The following TACC1 variants were observed in gnomAD, a reference collection of about 807,000 sequenced individuals.
The protein encoded by TACC1 is transforming acidic coiled-coil-containing protein 1.
Under a neutral mutation model 84.4 loss-of-function variants are expected in TACC1, and 48 were observed. The observed-to-expected ratio is 0.57, with a 90% confidence interval of 0.45 to 0.72. The LOEUF (loss-of-function observed/expected upper bound fraction) is 0.72. TACC1 is among the 30% of genes least tolerant of loss of function. The pLI is 0.00. For missense variants in TACC1, 920 were observed against 973.0 expected (o/e 0.95, Z 0.72); for synonymous variants, 372 against 376.3 (o/e 0.99, Z 0.13).
At chr8:38,824,150 T>A in intron 3 of TACC1, 1 of 789,996 alleles carries the variant, frequency 1.3e-6, no homozygotes, top group South Asian at 1.4e-5. Context: ...ATGATTTTTT[T>A]GCATTTCATC....
intron 3 of TACC1, among the ~76,000 whole-genome samples, chr8:38,824,913 T>A (rs1170016472): frequency 6.6e-6 from 1 of 152,238 alleles, no homozygotes; most frequent in Non-Finnish European, 1.5e-5. Flanking sequence ...TCCAGCGTGA[T>A]GATTTTTCTA....
chr8:38,748,463 T>C (rs1029142770), intron 3 of TACC1, among the ~76,000 whole-genome samples: 2 of 152,178 alleles, frequency 1.3e-5, no homozygotes, highest in African/African-American at 4.8e-5. Flanking sequence ...TTAATATTTT[T>C]AGAACATTTC....
intron 3 of TACC1, among the ~76,000 whole-genome samples, chr8:38,755,252 T>C (rs2151767225): frequency 6.6e-6 from 1 of 151,718 alleles, no homozygotes; most frequent in South Asian, 2.1e-4. Context: ...TGTAGTCACA[T>C]ATATCTTTAT....
chr8:38,746,448 T>C (rs971002959), intron 3 of TACC1, among the ~76,000 whole-genome samples: 10 of 152,332 alleles, frequency 6.6e-5, no homozygotes, highest in African/African-American at 2.4e-4. Flanking sequence ...GGGAAGTGTT[T>C]GGTTATTATT....
intron 11 of TACC1, among the ~76,000 whole-genome samples, chr8:38,845,860 T>C (rs1019601526): frequency 7.2e-5 from 11 of 152,258 alleles, no homozygotes; most frequent in Non-Finnish European, 1.5e-4. Context: ...CACACAGGAC[T>C]GTCCTTGTTA....
intron 1 of TACC1, among the ~76,000 whole-genome samples, chr8:38,741,137 A>T (rs1806984952): frequency 6.6e-6 from 1 of 151,828 alleles, no homozygotes. Flanking sequence ...CAGGGCATTT[A>T]AAAAAATACT....
rs1350021929 is a variant in TACC1 at position 38,849,270 on chromosome 8, T to G, written c.*1247T>G. The G allele has an allele frequency of 6.6e-6, 1 of 151,994 alleles. No individual in the cohort carries two copies. Among genetic ancestry groups the G allele is most frequent in the Non-Finnish European group, 1.5e-5 (1 of 67,996 alleles). The allele number at this position is 151,994 out of a possible 1,614,324, so 9.4% of individuals were successfully genotyped here. A position where few individuals can be genotyped will look rare whatever the true frequency, so the allele number is the denominator to read the frequency against. ...GCTTGTTGAATACTGAGAAGAGGAG[T>G]GCAAGGAGAAGGTCTGTACTAACAA... On this transcript the variant is annotated 3_prime_UTR_variant, in exon 13 of 13. Coordinates refer to ENST00000317827, the MANE Select transcript of TACC1 (RefSeq NM_006283.3).
At chr8:38,787,866 T>C in intron 1 of TACC1, 123 bp downstream of exon 1, 1 of 982,308 alleles carries the variant, frequency 1.0e-6, no homozygotes, top group Non-Finnish European at 1.4e-6. Context: ...GCCGCGTCCC[T>C]GCCCGGAGCC....
At chr8:38,828,230 T>G (rs1828531090) in intron 5 of TACC1, among the ~76,000 whole-genome samples, 1 of 152,206 alleles carries the variant, frequency 6.6e-6, no homozygotes, top group Middle Eastern at 3.2e-3. Context: ...CATAGCAAGG[T>G]GTTACCCTTT....
intron 2 of TACC1, among the ~76,000 whole-genome samples, chr8:38,814,009 C>T (rs1212973091): frequency 1.3e-5 from 2 of 152,180 alleles, no homozygotes; most frequent in African/African-American, 4.8e-5. Context: ...ATAGGATGGT[C>T]TTCTGTCTTT....
chr8:38,747,780 A>C (rs1808337042), intron 3 of TACC1, among the ~76,000 whole-genome samples: 1 of 152,270 alleles, frequency 6.6e-6, no homozygotes, highest in African/African-American at 2.4e-5. Context: ...CTATATGTAC[A>C]TAAATACATT....
chr8:38,751,138 A>G (rs527783487), intron 3 of TACC1, among the ~76,000 whole-genome samples: 12 of 152,294 alleles, frequency 7.9e-5, no homozygotes, highest in Admixed American at 5.9e-4. Context: ...TGAGATAAGC[A>G]TGTGACTTCC....
intron 2 of TACC1, among the ~76,000 whole-genome samples, chr8:38,792,556 C>T (rs1226032969): frequency 1.3e-5 from 2 of 152,286 alleles, no homozygotes; most frequent in Non-Finnish European, 2.9e-5. Flanking sequence ...AGCTCCGCCT[C>T]CTGGGTTCAC....
chr8:38,814,813 C>T (rs1234559443), intron 2 of TACC1, among the ~76,000 whole-genome samples: 1 of 152,146 alleles, frequency 6.6e-6, no homozygotes, highest in East Asian at 1.9e-4. Context: ...AAAACAAACC[C>T]ACAGCAAATG....
At chr8:38,735,246 TG>T (rs1805742595) in intron 1 of TACC1, among the ~76,000 whole-genome samples, 1 of 152,058 alleles carries the variant, frequency 6.6e-6, no homozygotes, top group Non-Finnish European at 1.5e-5. Flanking sequence ...TTAAGACAGG[TG>T]GGGAGTTGCC....
At chr8:38,817,793 C>T (rs1220597865) in intron 2 of TACC1, among the ~76,000 whole-genome samples, 2 of 151,578 alleles carry the variant, frequency 1.3e-5, no homozygotes, top group African/African-American at 4.8e-5. Context: ...TTTAAAAAAG[C>T]TATTCCAAAT....
At chr8:38,847,692 G>A (rs1832574229) in intron 12 of TACC1, among the ~76,000 whole-genome samples, 1 of 152,206 alleles carries the variant, frequency 6.6e-6, no homozygotes, top group Non-Finnish European at 1.5e-5. Context: ...CAAGAAAATT[G>A]GGGAACTAAG....
chr8:38,748,025 T>A (rs951302675), intron 3 of TACC1, among the ~76,000 whole-genome samples: 1 of 151,880 alleles, frequency 6.6e-6, no homozygotes, highest in Non-Finnish European at 1.5e-5. Context: ...TCTAAAAAAA[T>A]AAAATCCATT....
Position 38,847,895 on chromosome 8 carries a change from C to T in TACC1, c.2350-60C>T, listed in dbSNP as rs144050503. The T allele has an allele frequency of 6.9e-6, 10 of 1,448,350 alleles. No individual in the cohort carries two copies. The East Asian group carries it at 2.1e-4, about 30-fold the overall frequency. 89.7% of individuals were successfully genotyped at this position (1,448,350 alleles called of 1,614,324 possible). ...GATCCAGACTTGGGACTAGTTAACT[C>T]TATTTGCCTTTATTTCAGAATACAA... On this transcript the variant is annotated intron_variant, in intron 12 of 12. Transcript: ENST00000317827.
Sources: allele counts gnomAD v4.1 joint callset (sites outside exome capture counted in the v4.1 genomes callset), GRCh38; gene constraint gnomAD v4.1.1; transcripts MANE v1.5; gene names NCBI Gene and HGNC (gene_info 2026-07-23, HGNC 2026-07-21).